The following GNAO1 variants were observed in gnomAD, a reference collection of about 807,000 sequenced individuals.
The protein encoded by GNAO1 is G protein subunit alpha o1.
For missense variants in GNAO1, 166 were observed against 478.7 expected, an observed-to-expected ratio of 0.35 and a Z score of 6.10; for synonymous variants, 164 against 180.7, an observed-to-expected ratio of 0.91 and a Z score of 0.74.
Position 56,350,324 on chromosome 16 carries a change from A to G in GNAO1, c.724-1060A>G, listed in dbSNP as rs16956371. ...CCAGAGAGCTGGGTTTACAGTGAGC[A>G]AGTTCCCAGGGCTAGGACAGGGTTC... On this transcript the variant is annotated intron_variant, in intron 6 of 8. Transcript: ENST00000262493. 7.0e-3 allele frequency among the ~76,000 whole-genome samples: 1,070 copies of G among 152,290 alleles called. 11 individuals carry two copies. The highest frequency in any genetic ancestry group is 0.023 in the African/African-American group (936 of 41,548).
At chr16:56,234,655 G>A (rs1274574304) in intron 2 of GNAO1, among the ~76,000 whole-genome samples, 1 of 152,154 alleles carries the variant, frequency 6.6e-6, no homozygotes, top group East Asian at 1.9e-4. Flanking sequence ...CTCAAATCCA[G>A]GGAGTCTTCT....
intron 6 of GNAO1, chr16:56,346,972 T>G (rs1367432168): frequency 3.0e-6 from 3 of 985,260 alleles, no homozygotes; most frequent in African/African-American, 3.5e-5. Context: ...CACCTAACAC[T>G]CTACAGTTAG....
At chr16:56,330,721 A>T (rs1324016489) in intron 4 of GNAO1, among the ~76,000 whole-genome samples, 1 of 152,202 alleles carries the variant, frequency 6.6e-6, no homozygotes, top group Non-Finnish European at 1.5e-5. Context: ...TTTGCTAGTT[A>T]CAGGATTATT....
intron 2 of GNAO1, among the ~76,000 whole-genome samples, chr16:56,224,604 C>A (rs2036518430): frequency 6.6e-6 from 1 of 152,176 alleles, no homozygotes; most frequent in Non-Finnish European, 1.5e-5. Context: ...TGTCAGCCTC[C>A]CAAGTAGCTG....
chr16:56,263,787 G>A (rs2036926711), intron 2 of GNAO1, among the ~76,000 whole-genome samples: 1 of 152,218 alleles, frequency 6.6e-6, no homozygotes, highest in Non-Finnish European at 1.5e-5. Context: ...GGCAACCACA[G>A]GAAGTTGATG....
intron 3 of GNAO1, among the ~76,000 whole-genome samples, chr16:56,324,680 G>A (rs1596865352): frequency 6.6e-6 from 1 of 152,238 alleles, no homozygotes; most frequent in Non-Finnish European, 1.5e-5. Context: ...GGCTTTCCAG[G>A]TCACTGCTGC....
At chr16:56,346,627 C>T in intron 6 of GNAO1, 10 of 985,394 alleles carry the variant, frequency 1.0e-5, no homozygotes, top group Non-Finnish European at 1.2e-5. Flanking sequence ...AGTCTGGGCC[C>T]CTGACCAACA....
chr16:56,315,760 G>A (rs1434280811), intron 3 of GNAO1, among the ~76,000 whole-genome samples: 1 of 152,144 alleles, frequency 6.6e-6, no homozygotes, highest in Admixed American at 6.5e-5. Flanking sequence ...AAAGTGAGCA[G>A]GGGCCAGGCA....
Position 56,191,918 on chromosome 16 carries a change from C to A in GNAO1, c.-318C>A. Reference sequence around the variant, plus strand: ...TATTTATTTTGGGTCGTGCACAAGCCTCAGTGCCTGCAGTCCGCGCCTCCT... The same window carrying A: ...TATTTATTTTGGGTCGTGCACAAGCATCAGTGCCTGCAGTCCGCGCCTCCT... On this transcript the variant is annotated 5_prime_UTR_variant, in exon 1 of 9. Transcript: ENST00000262493. This position sits in a 1 kb window ranked among gnomAD's most constrained non-coding sequence, Gnocchi z 4.7. 1 of 419,034 alleles carries A rather than the reference C, an allele frequency of 2.4e-6. No individual in the cohort carries two copies. Among genetic ancestry groups the A allele is most frequent in the East Asian group, 4.4e-5 (1 of 22,516 alleles). The allele number at this position is 419,034 out of a possible 1,614,324, so 26.0% of individuals were successfully genotyped here. A position where few individuals can be genotyped will look rare whatever the true frequency, so the allele number is the denominator to read the frequency against.
intron 2 of GNAO1, among the ~76,000 whole-genome samples, chr16:56,244,039 T>A (rs2036719076): frequency 6.6e-6 from 1 of 152,202 alleles, no homozygotes; most frequent in African/African-American, 2.4e-5. Context: ...CTGTCTGTGG[T>A]CACACAGCTG....
intron 2 of GNAO1, among the ~76,000 whole-genome samples, chr16:56,214,710 GTCC>G (rs756499441): frequency 6.6e-6 from 1 of 152,274 alleles, no homozygotes; most frequent in Non-Finnish European, 1.5e-5. Context: ...CTTGGAAGAA[GTCC>G]TCCTCTGCCA....
intron 8 of GNAO1, 26 bp downstream of exon 8, chr16:56,355,107 A>T (rs2037955325): frequency 9.3e-7 from 1 of 1,079,560 alleles, no homozygotes; most frequent in Admixed American, 1.9e-5. Flanking sequence ...CCCACAGAAC[A>T]GCTTGCGTGC....
intron 2 of GNAO1, among the ~76,000 whole-genome samples, chr16:56,275,341 T>G (rs886656401): frequency 6.6e-6 from 1 of 152,238 alleles, no homozygotes; most frequent in Admixed American, 6.5e-5. Context: ...TCTTTGTCCC[T>G]GTTCAGATCC....
rs546628975 is a variant in GNAO1 at position 56,208,205 on chromosome 16, C to A, written c.161+15589C>A. ...TTGCTATATAGTATTCTATGGTATT[C>A]ATTTTATGAATATTTTTAATTTTCC... On this transcript the variant is annotated intron_variant, in intron 2 of 8. Coordinates refer to ENST00000262493, the MANE Select transcript of GNAO1 (RefSeq NM_020988.3). Among the ~76,000 whole-genome samples, 7 of 152,194 alleles carry A rather than the reference C, an allele frequency of 4.6e-5. No individual in the cohort carries two copies. The East Asian group carries it at 1.4e-3, about 29-fold the overall frequency.
At chr16:56,349,457 A>G (rs2037902010) in intron 6 of GNAO1, among the ~76,000 whole-genome samples, 1 of 152,224 alleles carries the variant, frequency 6.6e-6, no homozygotes, top group Non-Finnish European at 1.5e-5. Flanking sequence ...CCCTGGACAC[A>G]GGTTCACTGG....
chr16:56,226,600 A>G (rs2036535138), intron 2 of GNAO1: 1 of 152,180 alleles, frequency 6.6e-6, no homozygotes, highest in Non-Finnish European at 1.5e-5. Context: ...GGAAAGAAAG[A>G]TCCTGGGGCA....
At position 56,279,925 on chromosome 16, in the gene GNAO1, C is replaced by T. The variant is rs117044834; in HGVS notation, c.303+3853C>T. On this transcript the variant is annotated intron_variant, in intron 3 of 8. Coordinates refer to ENST00000262493, the MANE Select transcript of GNAO1 (RefSeq NM_020988.3). ...GTCGTTTATCTTTGGGTCACCTCCT[C>T]ACTCCAGCAGCCAACACAGTGCTCA... Among the ~76,000 whole-genome samples the T allele has an allele frequency of 9.8e-4, 149 of 152,358 alleles. 1 individual carries two copies. The East Asian group carries it at 0.024, about 24-fold the overall frequency.
intron 4 of GNAO1, among the ~76,000 whole-genome samples, chr16:56,329,443 C>T (rs1321571925): frequency 6.6e-6 from 1 of 152,180 alleles, no homozygotes; most frequent in East Asian, 1.9e-4. Context: ...TTAGAAGGTG[C>T]TCCCGGCTCT....
intron 3 of GNAO1, among the ~76,000 whole-genome samples, chr16:56,315,858 A>T (rs1032255905): frequency 1.2e-4 from 19 of 152,116 alleles, no homozygotes; most frequent in Non-Finnish European, 2.6e-4. Context: ...CCTGGCCAAG[A>T]GACCAGCCTG....
Sources: allele counts gnomAD v4.1 joint callset (sites outside exome capture counted in the v4.1 genomes callset), GRCh38; gene constraint gnomAD v4.1.1; non-coding constraint Gnocchi (gnomAD v3.1); transcripts MANE v1.5; gene names NCBI Gene and HGNC (gene_info 2026-07-23, HGNC 2026-07-21).